The following METTL15 variants were observed in gnomAD, a reference collection of about 807,000 sequenced individuals.
The protein encoded by METTL15 is 12S rRNA N(4)-cytidine methyltransferase METTL15.
Under a neutral mutation model 38.3 loss-of-function variants are expected in METTL15, and 34 were observed. The observed-to-expected ratio is 0.89, with a 90% confidence interval of 0.68 to 1.18. The LOEUF (loss-of-function observed/expected upper bound fraction) is 1.18, where lower values mean the gene tolerates loss of function less well. Among genes scored for constraint, METTL15 ranks in the 50% most tolerant of loss-of-function variants. The pLI, the probability that METTL15 is intolerant of heterozygous loss-of-function variation, is 0.00. For missense variants in METTL15, 438 were observed against 498.4 expected (o/e 0.88, Z 1.15); for synonymous variants, 162 against 170.9 (o/e 0.95, Z 0.41).
chr11:28,146,725 A>T (rs764737573), intron 3 of METTL15, among the ~76,000 whole-genome samples: 2 of 151,960 alleles, frequency 1.3e-5, no homozygotes, highest in Non-Finnish European at 2.9e-5. Flanking sequence ...GTTCATAAGT[A>T]ATAGCATATT....
chr11:28,289,946 A>G (rs1465642061), intron 4 of METTL15, among the ~76,000 whole-genome samples: 1 of 152,160 alleles, frequency 6.6e-6, no homozygotes, highest in Non-Finnish European at 1.5e-5. Flanking sequence ...TAACTTATGA[A>G]TATATTGTAT....
At chr11:28,456,889 G>T (rs1370071766) in intron 6 of METTL15, among the ~76,000 whole-genome samples, 2 of 152,166 alleles carry the variant, frequency 1.3e-5, no homozygotes, top group East Asian at 3.9e-4. Context: ...ATTCTAACCT[G>T]CAAGACCTGA....
intron 3 of METTL15, among the ~76,000 whole-genome samples, chr11:28,176,979 A>G (rs1157144049): frequency 6.6e-6 from 1 of 152,074 alleles, no homozygotes; most frequent in Non-Finnish European, 1.5e-5. Flanking sequence ...GAGAAGGCAT[A>G]AGTTGATAAA....
intron 6 of METTL15, among the ~76,000 whole-genome samples, chr11:28,455,716 T>C (rs1851162505): frequency 1.3e-5 from 2 of 152,218 alleles, no homozygotes; most frequent in African/African-American, 4.8e-5. Flanking sequence ...TATTTTATTT[T>C]ATTTTTTTGA....
chr11:28,388,023 C>A (rs1030008143), intron 5 of METTL15, among the ~76,000 whole-genome samples: 3 of 143,770 alleles, frequency 2.1e-5, no homozygotes, highest in Non-Finnish European at 4.7e-5. Flanking sequence ...AAATACTAAA[C>A]AAACTAGAAA....
At chr11:28,524,494 GC>G (rs1414083244) in intron 6 of METTL15, among the ~76,000 whole-genome samples, 36 of 152,196 alleles carry the variant, frequency 2.4e-4, no homozygotes, top group African/African-American at 8.4e-4. Flanking sequence ...TAGATTAAAA[GC>G]CTACCAAGGA....
At chr11:28,378,133 G>C (rs4923530) in intron 5 of METTL15, among the ~76,000 whole-genome samples, 64,214 of 151,916 alleles carry the variant, frequency 0.42, 14,975 homozygotes, top group Admixed American at 0.54. Flanking sequence ...TGCCCCCAGA[G>C]GTGGAGCCTA....
intron 5 of METTL15, among the ~76,000 whole-genome samples, chr11:28,405,495 C>A (rs1850665892): frequency 1.3e-5 from 2 of 151,106 alleles, no homozygotes; most frequent in Non-Finnish European, 1.5e-5. Flanking sequence ...AAACTTTTTT[C>A]TCAGGTTACT....
intron 6 of METTL15, among the ~76,000 whole-genome samples, chr11:28,430,772 G>C: frequency 9.2e-6 from 1 of 108,456 alleles, no homozygotes; most frequent in East Asian, 3.0e-4. Context: ...TGGGAGGTGA[G>C]GGGCGCCTCT....
At chr11:28,412,283 G>A (rs573141907) in intron 5 of METTL15, among the ~76,000 whole-genome samples, 4 of 152,046 alleles carry the variant, frequency 2.6e-5, no homozygotes, top group Non-Finnish European at 5.9e-5. Context: ...TCATAAGGAT[G>A]TGTGCATGCC....
chr11:28,269,619 A>T (rs1378778357), intron 4 of METTL15, among the ~76,000 whole-genome samples: 1 of 152,124 alleles, frequency 6.6e-6, no homozygotes, highest in Non-Finnish European at 1.5e-5. Flanking sequence ...TGCTTTTGTT[A>T]TTATTTTAAA....
intron 4 of METTL15, among the ~76,000 whole-genome samples, chr11:28,237,803 G>T (rs1337162530): frequency 2.0e-5 from 3 of 152,164 alleles, no homozygotes; most frequent in African/African-American, 4.8e-5. Flanking sequence ...CTTTCTGTTT[G>T]TTAGTTTCCC....
At chr11:28,328,523 G>C (rs1420364692) in intron 6 of METTL15, among the ~76,000 whole-genome samples, 4 of 152,008 alleles carry the variant, frequency 2.6e-5, no homozygotes, top group Non-Finnish European at 5.9e-5. Context: ...AAAATGCCAA[G>C]ATTGCAGTTA....
rs374833493 is a variant in METTL15 at position 28,280,571 on chromosome 11, A to G, written c.408-9635A>G. 1.3e-3 allele frequency among the ~76,000 whole-genome samples: 197 copies of G among 150,336 alleles called. 1 individual carries two copies. The highest frequency in any genetic ancestry group is 4.6e-3 in the African/African-American group (188 of 41,090). On this transcript the variant is annotated intron_variant, in intron 4 of 6. Transcript: ENST00000407364. ...CTTGAATCATTTTGGAAGCTTGGCC[A>G]TTGTTTTTGAATATTGCTTTTACTC...
rs139554161 is a variant in METTL15 at position 28,257,310 on chromosome 11, A to C, written c.408-32896A>C. On this transcript the variant is annotated intron_variant, in intron 4 of 6. Transcript: ENST00000407364. Reference sequence around the variant, plus strand: ...CTTCTTTTCCTTTGTGGCTTTTAGCATCCTTTTTAAAATCTTTGTCCTTTG... The same window carrying C: ...CTTCTTTTCCTTTGTGGCTTTTAGCCTCCTTTTTAAAATCTTTGTCCTTTG... 1.6e-4 allele frequency among the ~76,000 whole-genome samples: 24 copies of C among 152,254 alleles called. No homozygotes were observed. The East Asian group carries it at 4.4e-3, about 28-fold the overall frequency.
At chr11:28,241,703 GAGA>G (rs1854306109) in intron 4 of METTL15, among the ~76,000 whole-genome samples, 1 of 152,110 alleles carries the variant, frequency 6.6e-6, no homozygotes, top group Non-Finnish European at 1.5e-5. Flanking sequence ...GAATGAATCT[GAGA>G]AGATAGCATT....
intron 3 of METTL15, among the ~76,000 whole-genome samples, chr11:28,153,487 G>T (rs1432453558): frequency 6.6e-6 from 1 of 152,086 alleles, no homozygotes; most frequent in Non-Finnish European, 1.5e-5. Context: ...CATTAATATG[G>T]AGGGCTGACT....
intron 6 of METTL15, among the ~76,000 whole-genome samples, chr11:28,429,439 T>C (rs1334457196): frequency 4.8e-5 from 6 of 124,176 alleles, no homozygotes; most frequent in Non-Finnish European, 8.2e-5. Context: ...ACTGTACTGC[T>C]GCCATCTCGG....
At chr11:28,216,283 G>A (rs1192422185) in intron 4 of METTL15, among the ~76,000 whole-genome samples, 1 of 151,612 alleles carries the variant, frequency 6.6e-6, no homozygotes, top group East Asian at 1.9e-4. Context: ...TACAAGAATA[G>A]GCAAGTGGAT....
Sources: allele counts gnomAD v4.1 joint callset (sites outside exome capture counted in the v4.1 genomes callset), GRCh38; gene constraint gnomAD v4.1.1; transcripts MANE v1.5; gene names NCBI Gene and HGNC (gene_info 2026-07-23, HGNC 2026-07-21).